Variants in SELENOS observed in about 807,000 individuals in gnomAD.
The protein encoded by SELENOS is selenoprotein S, also known as VCP interacting membrane selenoprotein.
Under a neutral mutation model 30.2 loss-of-function variants are expected in SELENOS, and 37 were observed. That is an observed-to-expected ratio of 1.23 (90% CI 0.94 to 1.61). SELENOS has a LOEUF of 1.61. Among genes scored for constraint, SELENOS ranks in the 40% most tolerant of loss-of-function variants. SELENOS has a pLI of 0.00. For synonymous variants in SELENOS, 119 were observed against 91.6 expected (o/e 1.30, Z -1.71); for missense variants, 289 against 231.8 (o/e 1.25, Z -1.60).
chr15:101,274,326 T>A, intron 5 of SELENOS, 94 bp downstream of exon 5: 2 of 1,404,038 alleles, frequency 1.4e-6, no homozygotes, highest in Non-Finnish European at 2.0e-6. Context: ...AGTCTTAATT[T>A]ATGGACAAAG....
chr15:101,272,927 A>G, intron 5 of SELENOS, 71 bp from the exon 6 acceptor site: 1 of 1,384,924 alleles, frequency 7.2e-7, no homozygotes, highest in South Asian at 1.2e-5. Flanking sequence ...GTATATCCAC[A>G]ATAAAATTAT....
At chr15:101,274,377 A>G in intron 5 of SELENOS, 43 bp downstream of exon 5, 2 of 1,560,046 alleles carry the variant, frequency 1.3e-6, no homozygotes, top group Non-Finnish European at 8.7e-7. Context: ...TATATCCTGT[A>G]AGTGTTGAAA....
Position 101,274,699 on chromosome 15 carries a change from T to G in SELENOS, c.319-18A>C, listed in dbSNP as rs2039305618. ...TCTTCAAGCTGAGAAACAATCACAT[T>G]TTACAGAAAGAATTCAGAAGCTGCC... On this transcript the variant is annotated intron_variant, in intron 3 of 5. Coordinates refer to ENST00000526049, the MANE Select transcript of SELENOS (RefSeq NM_018445.6). The G allele has an allele frequency of 6.2e-7, 1 of 1,602,070 alleles. No individual in the cohort carries two copies. The highest frequency in any genetic ancestry group is 8.5e-7 in the Non-Finnish European group (1 of 1,176,010).
intron 1 of SELENOS, chr15:101,276,906 G>GT: frequency 1.8e-6 from 1 of 559,276 alleles, no homozygotes; most frequent in Non-Finnish European, 3.2e-6. Flanking sequence ...GGCAGTTAGA[G>GT]TGTGGAGGGC....
intron 2 of SELENOS, chr15:101,276,296 G>T: frequency 3.1e-6 from 1 of 318,004 alleles, no homozygotes; most frequent in Non-Finnish European, 5.6e-6. Flanking sequence ...GCCCAGGCTG[G>T]AGTGTAGTGT....
chr15:101,277,294 G>A (rs1304430738), intron 1 of SELENOS, 48 bp downstream of exon 1: 3 of 1,513,090 alleles, frequency 2.0e-6, no homozygotes, highest in Non-Finnish European at 2.6e-6. Flanking sequence ...TCATGGCTGC[G>A]CGTCGCAAAA....
rs1425455988 is a variant in SELENOS at position 101,274,430 on chromosome 15, C to T, written c.474G>A (p.Leu158=). 1.2e-6 allele frequency: 2 copies of T among 1,607,896 alleles called. No homozygotes were observed. The highest frequency in any genetic ancestry group is 1.7e-6 in the Non-Finnish European group (2 of 1,176,880). The change falls in exon 5 of 6, where the codon TTG becomes TTA. Residue 158 remains leucine, a synonymous_variant. Transcript: ENST00000526049. ...VLKRKSDRKP[L]RGGGYNPLSG... is the part of the protein sequence containing the mutation. ...ATCAGTGGTGCTTACCTCCTCCCCG[C>T]AAAGGCTTTCTGTCCGATTTCCGTT...
Position 101,274,623 on chromosome 15 carries a change from T to C in SELENOS, c.377A>G (p.Lys126Arg). ...IEMWDSMQEG[K>R]SYKGNAKKPQ... ...CTTCTTTGCATTTCCTTTGTAACTT[T>C]TTCCTTCTTGCATGCTGTCCCACAT... Residue 126 changes from lysine to arginine, a missense_variant, in exon 4 of 6, where the codon AAA (lysine) becomes AGA (arginine). Physicochemically the swap from Lys to Arg is conservative, Grantham distance 26 (BLOSUM62 2). Coordinates refer to ENST00000526049, the MANE Select transcript of SELENOS (RefSeq NM_018445.6). The C allele has an allele frequency of 6.2e-7, 1 of 1,613,742 alleles. No homozygotes were observed. The highest frequency in any genetic ancestry group is 1.3e-5 in the African/African-American group (1 of 75,020).
Position 101,272,473 on chromosome 15 carries a change from G to A in SELENOS, c.*298C>T, listed in dbSNP as rs1314716820. ...TTCTAACCTCAAAAGAACATTACTA[G>A]GCCTCTTTTATCAAGATTGCTAATC... On this transcript the variant is annotated 3_prime_UTR_variant, in exon 6 of 6. Coordinates refer to ENST00000526049, the MANE Select transcript of SELENOS (RefSeq NM_018445.6). 32 of 311,752 alleles carry A rather than the reference G, an allele frequency of 1.0e-4. No individual in the cohort carries two copies. The highest frequency in any genetic ancestry group is 1.8e-5 in the Non-Finnish European group (3 of 164,710). The allele number at this position is 311,752 out of a possible 1,614,324, so 19.3% of individuals were successfully genotyped here.
At position 101,272,569 on chromosome 15, in the gene SELENOS, AG is replaced by A; in HGVS notation, c.*201del. Reference sequence around the variant, plus strand: ...ATGAATGCAATCACTGTCTCCAAGTAGAATGTGACCAATGACCTCATGCCTA... The same window carrying A: ...ATGAATGCAATCACTGTCTCCAAGTAAATGTGACCAATGACCTCATGCCTA... On this transcript the variant is annotated 3_prime_UTR_variant, in exon 6 of 6. Transcript: ENST00000526049. The A allele has an allele frequency of 1.9e-6, 1 of 531,586 alleles. No individual in the cohort carries two copies. Among genetic ancestry groups the A allele is most frequent in the African/African-American group, 1.9e-5 (1 of 52,538 alleles). The allele number at this position is 531,586 out of a possible 1,614,324, so 32.9% of individuals were successfully genotyped here. A position where few individuals can be genotyped will look rare whatever the true frequency, so the allele number is the denominator to read the frequency against.
intron 2 of SELENOS, among the ~76,000 whole-genome samples, chr15:101,276,082 C>G (rs1178678878): frequency 4.0e-5 from 6 of 151,856 alleles, no homozygotes; most frequent in Admixed American, 3.9e-4. Flanking sequence ...GTCACCACGC[C>G]CCACTAATAT....
intron 1 of SELENOS, 21 bp downstream of exon 1, chr15:101,277,321 G>C (rs1056120103): frequency 1.3e-6 from 2 of 1,506,594 alleles, no homozygotes; most frequent in South Asian, 2.5e-5. Flanking sequence ...GCGCGCGCCC[G>C]GCTGCCCCGC....
At chr15:101,274,215 G>C in intron 5 of SELENOS, 1 of 637,296 alleles carries the variant, frequency 1.6e-6, no homozygotes, top group South Asian at 1.9e-5. Flanking sequence ...GAAGGATCAA[G>C]TTAGAATACT....
In SELENOS at chr15:101,274,291, T is replaced by C. The variant is rs527904245; in HGVS notation, c.484+129A>G. On this transcript the variant is annotated intron_variant, in intron 5 of 5. Transcript: ENST00000526049. ...GGTGATTTGCATCTGTTTCCTTTATTGAATCTTCACAATCCTAAGGAATTA... is the reference window on the plus strand; with the variant it reads ...GGTGATTTGCATCTGTTTCCTTTATCGAATCTTCACAATCCTAAGGAATTA... 3 of 1,092,438 alleles carry C rather than the reference T, an allele frequency of 2.7e-6. No individual in the cohort carries two copies. In the African/African-American group the frequency reaches 4.7e-5, roughly 17 times the overall value. The allele number at this position is 1,092,438 out of a possible 1,614,324, so 67.7% of individuals were successfully genotyped here. A position where few individuals can be genotyped will look rare whatever the true frequency, so the allele number is the denominator to read the frequency against.
intron 1 of SELENOS, 151 bp downstream of exon 1, chr15:101,277,191 C>A: frequency 7.6e-7 from 1 of 1,315,334 alleles, no homozygotes; most frequent in Non-Finnish European, 1.1e-6. Context: ...AAGGTCCGGG[C>A]CTGCTGCCCA....
chr15:101,271,841 A>G (rs758044024), downstream of SELENOS, among the ~76,000 whole-genome samples: 5 of 152,252 alleles, frequency 3.3e-5, no homozygotes, highest in Non-Finnish European at 7.3e-5. Flanking sequence ...TTAAAAATAT[A>G]AAAACCTAAG....
chr15:101,273,938 G>A (rs537479238), intron 5 of SELENOS, among the ~76,000 whole-genome samples: 30 of 152,294 alleles, frequency 2.0e-4, no homozygotes, highest in African/African-American at 5.5e-4. Flanking sequence ...GCTTATTTTC[G>A]TTTGTGAGTC....
In SELENOS at chr15:101,274,682, C is replaced by T. The variant is rs752267047; in HGVS notation, c.319-1G>A. 5 of 1,609,612 alleles carry T rather than the reference C, an allele frequency of 3.1e-6. No individual in the cohort carries two copies. The African/African-American group carries it at 5.4e-5, about 17-fold the overall frequency. ...TCTGTCTCCTTTTTTCTTCTTCAAG[C>T]TGAGAAACAATCACATTTTACAGAA... On this transcript the variant is annotated splice_acceptor_variant, in intron 3 of 5. Coordinates refer to ENST00000526049, the MANE Select transcript of SELENOS (RefSeq NM_018445.6). LOFTEE classifies it high-confidence loss of function.
At chr15:101,274,381 G>C in intron 5 of SELENOS, 39 bp downstream of exon 5, 2 of 1,573,578 alleles carry the variant, frequency 1.3e-6, no homozygotes, top group Non-Finnish European at 1.7e-6. Context: ...TCCTGTAAGT[G>C]TTGAAAATCT....
Sources: allele counts gnomAD v4.1 joint callset (sites outside exome capture counted in the v4.1 genomes callset), GRCh38; gene constraint gnomAD v4.1.1; transcripts MANE v1.5; gene names NCBI Gene and HGNC (gene_info 2026-07-23, HGNC 2026-07-21).